FSTL4: variants seen among roughly 807,000 people sequenced by gnomAD.
FSTL4 encodes follistatin-related protein 4.
In FSTL4, 28 loss-of-function variants were observed where a neutral mutation model predicts 78.2. The observed-to-expected ratio is 0.36, with a 90% CI of 0.27 to 0.49. FSTL4 has a LOEUF of 0.49. FSTL4 is among the 20% of genes least tolerant of loss of function. The pLI is 0.98. For synonymous variants in FSTL4, 422 were observed against 440.5 expected (o/e 0.96, Z 0.53); for missense variants, 922 against 1,084.9 (o/e 0.85, Z 2.11).
chr5:133,826,499 G>A, the FSTL4 span, among the ~76,000 whole-genome samples: 1 of 152,166 alleles, frequency 6.6e-6, no homozygotes, highest in Non-Finnish European at 1.5e-5. Flanking sequence ...AGCTTCTGGT[G>A]GCCATCAGCA....
intron 3 of FSTL4, among the ~76,000 whole-genome samples, chr5:133,538,765 T>C (rs1270733884): frequency 1.3e-5 from 2 of 152,206 alleles, no homozygotes; most frequent in Non-Finnish European, 2.9e-5. Context: ...ACAACACTTA[T>C]TTTATTATCT....
Position 133,501,384 on chromosome 5 carries a change from A to G in FSTL4, c.160+65802T>C, listed in dbSNP as rs571935136. Among the ~76,000 whole-genome samples, 111 of 152,352 alleles carry G rather than the reference A, an allele frequency of 7.3e-4. 1 individual carries two copies. The highest frequency in any genetic ancestry group is 1.3e-3 in the Non-Finnish European group (87 of 68,034). ...TCATTTTCACTGTGTCTTGTACCAAATATCGTAATCAGCTCAGGCACTGAG... is the reference window on the plus strand; with the variant it reads ...TCATTTTCACTGTGTCTTGTACCAAGTATCGTAATCAGCTCAGGCACTGAG... On this transcript the variant is annotated intron_variant, in intron 3 of 15. Coordinates refer to ENST00000265342, the MANE Select transcript of FSTL4 (RefSeq NM_015082.2).
At chr5:133,312,423 C>T (rs1430647845) in intron 6 of FSTL4, 25 of 551,766 alleles carry the variant, frequency 4.5e-5, no homozygotes, top group East Asian at 3.1e-4. Flanking sequence ...CCTCAAAGAG[C>T]GAGAAAAATC....
At chr5:133,319,152 T>G (rs1753984454) in intron 4 of FSTL4, among the ~76,000 whole-genome samples, 1 of 152,200 alleles carries the variant, frequency 6.6e-6, no homozygotes, top group Admixed American at 6.5e-5. Flanking sequence ...CAGCTGCCTG[T>G]GAGCGCAGAC....
At chr5:133,755,783 C>A in the FSTL4 span, among the ~76,000 whole-genome samples, 1 of 152,190 alleles carries the variant, frequency 6.6e-6, no homozygotes, top group Non-Finnish European at 1.5e-5. Context: ...GAGCACCTGG[C>A]GGGTATAAGC....
chr5:133,238,783 C>T (rs926938905), intron 7 of FSTL4, among the ~76,000 whole-genome samples: 2 of 152,260 alleles, frequency 1.3e-5, no homozygotes, highest in African/African-American at 4.8e-5. Flanking sequence ...GTTACGGCGA[C>T]ATTCACTTCA....
At chr5:133,319,506 C>T (rs1390345287) in intron 4 of FSTL4, among the ~76,000 whole-genome samples, 1 of 152,158 alleles carries the variant, frequency 6.6e-6, no homozygotes, top group African/African-American at 2.4e-5. Flanking sequence ...AGGCCAGGAG[C>T]AGGACTGCGC....
chr5:133,409,804 A>G (rs1324383329), intron 3 of FSTL4, among the ~76,000 whole-genome samples: 1 of 152,238 alleles, frequency 6.6e-6, no homozygotes, highest in Non-Finnish European at 1.5e-5. Context: ...TTACAGAAAC[A>G]GACATGGTCA....
the FSTL4 span, among the ~76,000 whole-genome samples, chr5:133,765,782 C>T: frequency 2.0e-5 from 3 of 152,042 alleles, no homozygotes; most frequent in African/African-American, 2.4e-5. Flanking sequence ...GGGTGAGTTT[C>T]CAAAGGAAAA....
chr5:133,783,476 C>T, the FSTL4 span, among the ~76,000 whole-genome samples: 1 of 152,228 alleles, frequency 6.6e-6, no homozygotes, highest in African/African-American at 2.4e-5. Flanking sequence ...ATCTATAAGG[C>T]ATCCAGCCCC....
the FSTL4 span, among the ~76,000 whole-genome samples, chr5:133,766,242 A>AAGAGGAAGG: frequency 6.6e-6 from 1 of 152,296 alleles, no homozygotes; most frequent in Non-Finnish European, 1.5e-5. Flanking sequence ...TAAAACAGAA[A>AAGAGGAAGG]AGAGGAAGGA....
the FSTL4 span, among the ~76,000 whole-genome samples, chr5:133,782,536 G>T: frequency 6.6e-6 from 1 of 152,234 alleles, no homozygotes; most frequent in African/African-American, 2.4e-5. Context: ...ATCTGACCCA[G>T]CCAGGCCAAT....
chr5:133,795,787 T>A, the FSTL4 span, among the ~76,000 whole-genome samples: 2 of 152,356 alleles, frequency 1.3e-5, no homozygotes, highest in African/African-American at 4.8e-5. Context: ...TTGGGCAACA[T>A]GGCCTCCTCT....
chr5:133,285,072 G>A (rs1360826959), intron 6 of FSTL4, among the ~76,000 whole-genome samples: 1 of 152,230 alleles, frequency 6.6e-6, no homozygotes, highest in Non-Finnish European at 1.5e-5. Flanking sequence ...GCGGCCCTGA[G>A]AGTGGTCAAA....
upstream of FSTL4, among the ~76,000 whole-genome samples, chr5:133,614,859 G>A (rs1045827856): frequency 1.3e-5 from 2 of 152,208 alleles, no homozygotes; most frequent in Non-Finnish European, 2.9e-5. Flanking sequence ...TTTTTGGTGA[G>A]TGGTTCAGCC....
chr5:133,475,000 C>T (rs1757901416), intron 3 of FSTL4, among the ~76,000 whole-genome samples: 1 of 152,200 alleles, frequency 6.6e-6, no homozygotes, highest in East Asian at 1.9e-4. Context: ...AGGCTGTCCT[C>T]AGCAGAGAGA....
chr5:133,521,865 C>T, intron 3 of FSTL4, among the ~76,000 whole-genome samples: 1 of 152,178 alleles, frequency 6.6e-6, no homozygotes, highest in South Asian at 2.1e-4. Context: ...AAAGGGGCTT[C>T]ACAGGTCATC....
chr5:133,479,607 A>G (rs1757988223), intron 3 of FSTL4, among the ~76,000 whole-genome samples: 1 of 152,216 alleles, frequency 6.6e-6, no homozygotes, highest in African/African-American at 2.4e-5. Context: ...ATTGTGTATG[A>G]GTCCATGTGA....
At chr5:133,549,144 T>C (rs1252270033) in intron 3 of FSTL4, among the ~76,000 whole-genome samples, 3 of 152,224 alleles carry the variant, frequency 2.0e-5, no homozygotes, top group Non-Finnish European at 4.4e-5. Context: ...TGTCTTCCTT[T>C]AGTTTTGCAA....
Sources: allele counts gnomAD v4.1 joint callset (sites outside exome capture counted in the v4.1 genomes callset), GRCh38; gene constraint gnomAD v4.1.1; transcripts MANE v1.5; gene names NCBI Gene and HGNC (gene_info 2026-07-23, HGNC 2026-07-21).